ELK3: variants seen among roughly 807,000 people sequenced by gnomAD.
The protein encoded by ELK3 is ETS domain-containing protein Elk-3.
Under a neutral mutation model 28.9 loss-of-function variants are expected in ELK3, and 10 were observed. The ratio of observed to expected loss-of-function variants is 0.35; its 90% CI spans 0.21 to 0.59. The LOEUF (loss-of-function observed/expected upper bound fraction) is 0.59, where lower values mean the gene tolerates loss of function less well. ELK3 is among the 20% of genes least tolerant of loss of function. The pLI is 0.82. For missense variants in ELK3, 463 were observed against 517.3 expected (o/e 0.90, Z 1.02); for synonymous variants, 272 against 243.5 (o/e 1.12, Z -1.09).
At chr12:96,216,837 C>A (rs1245960920) in intron 1 of ELK3, among the ~76,000 whole-genome samples, 15 of 152,130 alleles carry the variant, frequency 9.9e-5, no homozygotes, top group Admixed American at 9.8e-4. Flanking sequence ...AGTAACTTCC[C>A]CAAAGTCCCA....
At chr12:96,258,245 G>A (rs1004207548) in intron 3 of ELK3, among the ~76,000 whole-genome samples, 3 of 152,188 alleles carry the variant, frequency 2.0e-5, no homozygotes, top group East Asian at 1.9e-4. Flanking sequence ...AAATTGCCTT[G>A]GACTAGAACA....
At chr12:96,194,964 C>T (rs1229740413) in intron 1 of ELK3, among the ~76,000 whole-genome samples, 2 of 150,584 alleles carry the variant, frequency 1.3e-5, no homozygotes, top group Admixed American at 6.6e-5. Context: ...GCTGCGGGGA[C>T]CCTGCGCCCG....
intron 1 of ELK3, among the ~76,000 whole-genome samples, chr12:96,204,105 G>C (rs1951524574): frequency 6.6e-6 from 1 of 152,222 alleles, no homozygotes; most frequent in Non-Finnish European, 1.5e-5. Flanking sequence ...ACTATACTGA[G>C]AGTGGTCGGT....
intron 2 of ELK3, among the ~76,000 whole-genome samples, chr12:96,245,570 T>C (rs1951849507): frequency 6.6e-6 from 1 of 152,124 alleles, no homozygotes; most frequent in Non-Finnish European, 1.5e-5. Flanking sequence ...TGATCTTTTT[T>C]TAATCCTCAC....
intron 1 of ELK3, among the ~76,000 whole-genome samples, chr12:96,210,561 G>GCGCGCACACACACA (rs1555193024): frequency 4.1e-5 from 6 of 144,750 alleles, no homozygotes; most frequent in African/African-American, 7.7e-5. Context: ...GCGCGCGGGC[G>GCGCGCACACACACA]CACGCACACA....
chr12:96,204,847 G>C (rs1278453865), intron 1 of ELK3, among the ~76,000 whole-genome samples: 3 of 152,234 alleles, frequency 2.0e-5, no homozygotes, highest in African/African-American at 7.2e-5. Context: ...CATTGAACTG[G>C]AAATGTCACT....
Position 96,259,757 on chromosome 12 carries a change from G to C in ELK3, c.1029G>C (p.Pro343=). 3.1e-6 allele frequency: 5 copies of C among 1,610,002 alleles called. No individual in the cohort carries two copies. Among genetic ancestry groups the C allele is most frequent in the Non-Finnish European group, 4.2e-6 (5 of 1,178,378 alleles). The change falls in exon 4 of 5, where the codon CCG becomes CCC. Residue 343 remains proline, a synonymous_variant. Coordinates refer to ENST00000228741, the MANE Select transcript of ELK3 (RefSeq NM_005230.4). The part of the protein sequence containing the change: ...AQTPNGLLLT[P]SPLLSSIHFW... ...CACCAAATGGATTGCTTCTGACTCCGAGTCCACTGCTCTCCAGCATACATT... is the reference window on the plus strand; with the variant it reads ...CACCAAATGGATTGCTTCTGACTCCCAGTCCACTGCTCTCCAGCATACATT...
Position 96,247,284 on chromosome 12 carries a change from G to T in ELK3, c.552G>T (p.Arg184Ser). The T allele has an allele frequency of 6.2e-7, 1 of 1,614,238 alleles. No homozygotes were observed. Among genetic ancestry groups the T allele is most frequent in the South Asian group, 1.1e-5 (1 of 91,086 alleles). Reference protein sequence around the residue: ...PPVEEVRTVIRFVTNKTDKHV... With the variant: ...PPVEEVRTVISFVTNKTDKHV... ...TGGAAGAAGTCAGGACTGTGATCAG[G>T]TTTGTGACCAATAAAACCGACAAGC... The change falls in exon 3 of 5, where the codon AGG becomes AGT. Residue 184 changes from arginine to serine, a missense_variant. By Grantham distance (110) the Arg-to-Ser change is moderately radical. Coordinates refer to ENST00000228741, the MANE Select transcript of ELK3 (RefSeq NM_005230.4). This position sits in a 1 kb window ranked among gnomAD's most constrained non-coding sequence, Gnocchi z 5.5.
At chr12:96,256,660 C>CCAAT (rs922260710) in intron 3 of ELK3, among the ~76,000 whole-genome samples, 8 of 152,228 alleles carry the variant, frequency 5.3e-5, no homozygotes, top group East Asian at 1.9e-4. Context: ...GAAAAATGTG[C>CCAAT]CAATCACCAT....
intron 2 of ELK3, among the ~76,000 whole-genome samples, chr12:96,232,519 C>T (rs1377342107): frequency 2.0e-5 from 3 of 149,126 alleles, no homozygotes; most frequent in Non-Finnish European, 4.4e-5. Flanking sequence ...TGCAGTGGGC[C>T]GAGATCACAT....
At chr12:96,195,662 GA>G (rs1195939466) in intron 1 of ELK3, among the ~76,000 whole-genome samples, 8 of 150,154 alleles carry the variant, frequency 5.3e-5, no homozygotes, top group East Asian at 1.9e-4. Flanking sequence ...TTTTTAGAAA[GA>G]AAAAAAAACG....
chr12:96,257,425 C>T lies in ELK3; in HGVS notation c.1003-2306C>T, dbSNP rs144123642. ...CAGTAGTCTGAGTACATCCTGTATT[C>T]CTAAGAAACAAATGTGCAAACATCT... On this transcript the variant is annotated intron_variant, in intron 3 of 4. Coordinates refer to ENST00000228741, the MANE Select transcript of ELK3 (RefSeq NM_005230.4). 8.3e-3 allele frequency among the ~76,000 whole-genome samples: 1,269 copies of T among 152,264 alleles called. 14 individuals are homozygous for T. Among genetic ancestry groups the T allele is most frequent in the Non-Finnish European group, 0.011 (741 of 68,022 alleles).
At chr12:96,228,415 T>TC (rs1951719192) in intron 2 of ELK3, among the ~76,000 whole-genome samples, 1 of 32,930 alleles carries the variant, frequency 3.0e-5, no homozygotes, top group Non-Finnish European at 4.9e-5. Flanking sequence ...AGACTCTGTG[T>TC]CAAAAAAAAA....
intron 1 of ELK3, chr12:96,212,787 C>G (rs907739847): frequency 6.6e-6 from 1 of 152,064 alleles, no homozygotes; most frequent in East Asian, 1.9e-4. Flanking sequence ...GTGTGGCTAC[C>G]GGTGAGCCAC....
chr12:96,240,830 C>T (rs573048394), intron 2 of ELK3, among the ~76,000 whole-genome samples: 81 of 152,216 alleles, frequency 5.3e-4, no homozygotes, highest in Non-Finnish European at 9.6e-4. Context: ...TGGCTCCTCG[C>T]GGGGAGGAAA....
intron 4 of ELK3, among the ~76,000 whole-genome samples, chr12:96,261,663 TG>T (rs1242526234): frequency 6.6e-6 from 1 of 152,222 alleles, no homozygotes; most frequent in Non-Finnish European, 1.5e-5. Context: ...CTCTCCTTAC[TG>T]GGAATTCTGC....
chr12:96,209,604 T>G (rs1283316906), intron 1 of ELK3, among the ~76,000 whole-genome samples: 1 of 152,214 alleles, frequency 6.6e-6, no homozygotes, highest in African/African-American at 2.4e-5. Flanking sequence ...AAGATTTCCT[T>G]TATTTTGATT....
rs1555193042 is a variant in ELK3 at position 96,210,597 on chromosome 12, A to ACC, written c.-2-12965_-2-12964dup. 3.1e-3 allele frequency among the ~76,000 whole-genome samples: 467 copies of ACC among 149,060 alleles called. 2 individuals are homozygous for ACC. The highest frequency in any genetic ancestry group is 4.1e-3 in the African/African-American group (167 of 40,500). On this transcript the variant is annotated intron_variant, in intron 1 of 4. Transcript: ENST00000228741. ...CACACACACACACACACACACACACACCCCGAGTGGGAGGTCCAGGGGCAC... is the reference window on the plus strand; with the variant it reads ...CACACACACACACACACACACACACACCCCCCGAGTGGGAGGTCCAGGGGCAC...
chr12:96,213,384 G>A (rs1488218098), intron 1 of ELK3, among the ~76,000 whole-genome samples: 2 of 152,164 alleles, frequency 1.3e-5, no homozygotes, highest in Non-Finnish European at 2.9e-5. Flanking sequence ...CCCACACGAG[G>A]CAGCCTTGGA....
Sources: allele counts gnomAD v4.1 joint callset (sites outside exome capture counted in the v4.1 genomes callset), GRCh38; gene constraint gnomAD v4.1.1; non-coding constraint Gnocchi (gnomAD v3.1); transcripts MANE v1.5; gene names NCBI Gene and HGNC (gene_info 2026-07-23, HGNC 2026-07-21).